The following FLII variants were observed in gnomAD, a reference collection of about 807,000 sequenced individuals.
FLII encodes the protein protein flightless-1 homolog.
A neutral mutation model predicts 156.2 loss-of-function variants in FLII; 101 were observed. The observed-to-expected ratio is 0.65, with a 90% CI of 0.55 to 0.76. FLII has a LOEUF of 0.76. Ranked by LOEUF, FLII falls within the 30% of genes least tolerant of loss-of-function variation. The probability of loss-of-function intolerance (pLI) is 0.00; values close to 1 mark genes in which losing one functional copy is unlikely to be tolerated. For synonymous variants in FLII, 767 were observed against 685.8 expected (o/e 1.12, Z -1.85); for missense variants, 1,675 against 1,682.8 (o/e 1.00, Z 0.08).
intron 18 of FLII, 135 bp downstream of exon 18, chr17:18,248,415 T>G: frequency 1.3e-6 from 1 of 765,946 alleles, no homozygotes; most frequent in Non-Finnish European, 2.1e-6. Context: ...ATACTGTTCC[T>G]TGTCCAGAAG....
Position 18,258,418 on chromosome 17 carries a change from C to T in FLII, c.63+210G>A. 1.4e-6 allele frequency: 2 copies of T among 1,426,404 alleles called. No homozygotes were observed. Among genetic ancestry groups the T allele is most frequent in the Non-Finnish European group, 1.9e-6 (2 of 1,067,112 alleles). The allele number at this position is 1,426,404 out of a possible 1,614,324, so 88.4% of individuals were successfully genotyped here. ...GACTCCGAGCCCAAGCGTCCGTCCC[C>T]GGCCTGCCCAGCCTCGGTCTCCCCG... is the stretch of plus-strand genomic sequence containing the variant. On this transcript the variant is annotated intron_variant, in intron 1 of 29. Transcript: ENST00000327031. This position sits in a 1 kb window ranked among gnomAD's most constrained non-coding sequence, Gnocchi z 4.2.
Position 18,256,984 on chromosome 17 carries a change from G to C in FLII, c.99C>G (p.Thr33=), listed in dbSNP as rs780810261. ...GGTTCAGCTTCAGCCACCGCAGGCT[G>C]GTCATGGCCTTGACATTCTCAGGGA... The part of the protein sequence containing the change: ...GYFPENVKAM[T]SLRWLKLNRT... The change falls in exon 2 of 30, where the codon ACC becomes ACG. Residue 33 remains threonine (T), a synonymous_variant. Coordinates refer to ENST00000327031, the MANE Select transcript of FLII (RefSeq NM_002018.4). 6.2e-7 allele frequency: 1 copy of C among 1,611,432 alleles called. No individual in the cohort carries two copies. Among genetic ancestry groups the C allele is most frequent in the Non-Finnish European group, 8.5e-7 (1 of 1,179,004 alleles).
At chr17:18,247,487 G>C in intron 20 of FLII, 130 bp from the exon 21 acceptor site, 1 of 1,087,760 alleles carries the variant, frequency 9.2e-7, no homozygotes, top group African/African-American at 1.6e-5. Flanking sequence ...CTCGGACACG[G>C]AGGTAGGAAT....
At chr17:18,248,963 A>T in intron 16 of FLII, 80 bp from the exon 17 acceptor site, 4 of 1,454,956 alleles carry the variant, frequency 2.7e-6, no homozygotes, top group South Asian at 1.1e-5. Flanking sequence ...CACCAAAAAA[A>T]ATCCCTCACT....
intron 12 of FLII, 79 bp from the exon 13 acceptor site, chr17:18,251,556 G>A: frequency 6.4e-7 from 1 of 1,565,830 alleles, no homozygotes. Context: ...CACACCTCAG[G>A]GCCTTTGCAC....
rs981380807 is a variant in FLII, at chr17:18,247,437, G to C, written c.2488-80C>G. The stretch of plus-strand genomic sequence containing the variant: ...GGAAGTAGCCCGAGGCTTGAGGCGG[G>C]ACCCAAGGGAGATCTAGGGCGGGGC... On this transcript the variant is annotated intron_variant, in intron 20 of 29. Transcript: ENST00000327031. 20 of 1,371,928 alleles carry C rather than the reference G, an allele frequency of 1.5e-5. No homozygotes were observed. In the Admixed American group the frequency reaches 2.3e-4, roughly 16 times the overall value. The allele number at this position is 1,371,928 out of a possible 1,614,324, so 85.0% of individuals were successfully genotyped here. A position where few individuals can be genotyped will look rare whatever the true frequency, so the allele number is the denominator to read the frequency against.
chr17:18,245,612 G>C lies in FLII; in HGVS notation c.3552C>G (p.Asp1184Glu), dbSNP rs1009355351. The C allele has an allele frequency of 1.2e-6, 2 of 1,613,814 alleles. No homozygotes were observed. Among genetic ancestry groups the C allele is most frequent in the Non-Finnish European group, 1.7e-6 (2 of 1,180,022 alleles). ...GYFAVTEKCS[D>E]FCQDDLADDD... ...CATCTGCCAGGTCATCTTGGCAAAA[G>C]TCGGAGCATTTCTCAGTCACTGCAA... Residue 1184 changes from aspartate to glutamate, a missense_variant, in exon 28 of 30, where the codon GAC becomes GAG. By Grantham distance (45) the Asp-to-Glu change is conservative (BLOSUM62 2). Around this residue, in one of 2 missense-constraint regions of FLII, gnomAD observed 1,332 missense variants for 1,269.3 expected, o/e 1.05. Transcript: ENST00000327031.
chr17:18,254,487 CT>C, intron 6 of FLII, 33 bp downstream of exon 6: 1 of 1,574,782 alleles, frequency 6.4e-7, no homozygotes, highest in South Asian at 1.2e-5. Context: ...CTCAGGGTGG[CT>C]TCTGCAGGAG....
At chr17:18,252,444 G>A in intron 10 of FLII, 28 bp downstream of exon 10, 1 of 1,602,914 alleles carries the variant, frequency 6.2e-7, no homozygotes, top group Non-Finnish European at 8.5e-7. Flanking sequence ...TGTCTCTCTT[G>A]AGCCCTCTCA....
At chr17:18,251,161 C>G in intron 13 of FLII, 104 bp downstream of exon 13, 1 of 1,439,504 alleles carries the variant, frequency 6.9e-7, no homozygotes, top group South Asian at 1.3e-5. Context: ...AGCCTGCCCA[C>G]CTCCCACCTG....
rs562342226 is a variant in FLII, at chr17:18,251,870, C to T, written c.1247-54G>A. The T allele has an allele frequency of 3.6e-5, 58 of 1,610,172 alleles. 1 individual carries two copies. The Middle Eastern group carries it at 5.0e-4, about 14-fold the overall frequency. On this transcript the variant is annotated intron_variant, in intron 11 of 29. Coordinates refer to ENST00000327031, the MANE Select transcript of FLII (RefSeq NM_002018.4). ...TCACTGGGCCTGCTGCCCCCTTGGG[C>T]ATGCGACCAACCAGGGGCCAACTCC...
At chr17:18,256,778 C>G in intron 2 of FLII, 131 bp downstream of exon 2, 1 of 786,110 alleles carries the variant, frequency 1.3e-6, no homozygotes, top group South Asian at 1.6e-5. Flanking sequence ...AGGGTGCCCA[C>G]TCCCTTTCTT....
intron 13 of FLII, 31 bp downstream of exon 13, chr17:18,251,228 GGGCCAC>G (rs757664359): frequency 6.3e-7 from 1 of 1,598,722 alleles, no homozygotes; most frequent in Admixed American, 1.7e-5. Context: ...GGAAGGTACT[GGGCCAC>G]ATGGCCCCTA....
intron 25 of FLII, 47 bp downstream of exon 25, chr17:18,246,115 C>T (rs746345073): frequency 1.9e-6 from 3 of 1,614,116 alleles, no homozygotes; most frequent in Non-Finnish European, 2.5e-6. Context: ...CCCCCAAACA[C>T]CCCACCCCTT....
intron 29 of FLII, 26 bp downstream of exon 29, chr17:18,245,328 C>A (rs2142770835): frequency 1.2e-6 from 2 of 1,614,158 alleles, no homozygotes; most frequent in African/African-American, 2.7e-5. Context: ...ACAGGCCCAC[C>A]TCGGCCCTCC....
Position 18,245,102 on chromosome 17 carries a change from T to C in FLII, c.*36A>G, listed in dbSNP as rs1290670274. 1.3e-6 allele frequency: 2 copies of C among 1,587,924 alleles called. No individual in the cohort carries two copies. Among genetic ancestry groups the C allele is most frequent in the Middle Eastern group, 1.7e-4 (1 of 5,784 alleles). ...GCAGACAGTGGATGAGGCCCCTTCC[T>C]CTTCCTCACCAAGCCTGGGGCTGTG... is the stretch of plus-strand genomic sequence containing the variant. On this transcript the variant is annotated 3_prime_UTR_variant, in exon 30 of 30. Coordinates refer to ENST00000327031, the MANE Select transcript of FLII (RefSeq NM_002018.4).
chr17:18,245,418 A>C lies in FLII; in HGVS notation c.3611T>G (p.Val1204Gly), dbSNP rs1294594794. 1 of 1,614,016 alleles carries C rather than the reference A, an allele frequency of 6.2e-7. No homozygotes were observed. The highest frequency in any genetic ancestry group is 8.5e-7 in the Non-Finnish European group (1 of 1,179,962). The change falls in exon 29 of 30, where the codon GTC becomes GGC. Residue 1204 changes from valine (V) to glycine (G), a missense_variant and splice_region_variant. Transcript: ENST00000327031. ...AGTCTGGGTCCCCACCCACATGTAG[A>C]CCTGTGGGGGCAGCAGGGGAGATAC... is the stretch of plus-strand genomic sequence containing the variant. ...DIMLLDNGQE[V>G]YMWVGTQTSQ...
chr17:18,256,077 C>T (rs903755592), intron 3 of FLII, among the ~76,000 whole-genome samples: 7 of 152,234 alleles, frequency 4.6e-5, no homozygotes, highest in African/African-American at 1.7e-4. Flanking sequence ...AGAAGGTACA[C>T]GGTGCTCCCG....
rs773795422 is a variant in FLII, at chr17:18,253,654, G to A, written c.745C>T (p.Arg249Cys). ...PECLYTLPSL[R>C]RLNLSSNQIT... The stretch of plus-strand genomic sequence containing the variant: ...TGGTTGCTGCTGAGGTTGAGGCGGC[G>A]CAGGCTGGGGAGGGTGTACAGACAC... Residue 249 changes from arginine to cysteine, a missense_variant, in exon 8 of 30, where the codon CGC becomes TGC. Arg to Cys is a radical substitution (Grantham distance 180, BLOSUM62 -3). Around this residue, in one of 2 missense-constraint regions of FLII, gnomAD observed 343 missense variants for 413.5 expected, o/e 0.83. Coordinates refer to ENST00000327031, the MANE Select transcript of FLII (RefSeq NM_002018.4). 33 of 1,613,798 alleles carry A rather than the reference G, an allele frequency of 2.0e-5. No individual in the cohort carries two copies. Among genetic ancestry groups the A allele is most frequent in the Admixed American group, 8.3e-5 (5 of 60,000 alleles).
Sources: allele counts gnomAD v4.1 joint callset (sites outside exome capture counted in the v4.1 genomes callset), GRCh38; gene constraint gnomAD v4.1.1; regional missense constraint gnomAD v4.1.1; non-coding constraint Gnocchi (gnomAD v3.1); transcripts MANE v1.5; gene names NCBI Gene and HGNC (gene_info 2026-07-23, HGNC 2026-07-21).